IGF2BP2: variants seen among roughly 807,000 people sequenced by gnomAD.
IGF2BP2 encodes the protein insulin like growth factor 2 mRNA binding protein 2, also known as insulin-like growth factor 2 mRNA-binding protein 2.
In IGF2BP2, 17 loss-of-function variants were observed where a neutral mutation model predicts 75.8. The observed-to-expected ratio is 0.22, with a 90% CI of 0.15 to 0.34. The LOEUF is 0.34. Ranked by LOEUF, IGF2BP2 falls within the 10% of genes least tolerant of loss-of-function variation. IGF2BP2 has a pLI of 1.00. For missense variants in IGF2BP2, 516 were observed against 772.4 expected (o/e 0.67, Z 3.93); for synonymous variants, 288 against 295.6 (o/e 0.97, Z 0.26).
intron 5 of IGF2BP2, among the ~76,000 whole-genome samples, chr3:185,691,065 A>T (rs1235676407): frequency 1.3e-5 from 2 of 152,272 alleles, no homozygotes; most frequent in Admixed American, 6.5e-5. Context: ...TGTACAAGGT[A>T]AAGTTAACAC....
intron 2 of IGF2BP2, among the ~76,000 whole-genome samples, chr3:185,821,360 A>G (rs1741352925): frequency 6.6e-6 from 1 of 152,214 alleles, no homozygotes. Context: ...ATAGGGCTGT[A>G]TAAATCCTAG....
rs892830503 is a variant in IGF2BP2, at chr3:185,649,281, T to C, written c.1593+122A>G. Reference sequence around the variant, plus strand: ...CAGATGCCAGGAGAGCCTTAGTTTATCTGCCAAAGACCCTGACTGTACATT... The same window carrying C: ...CAGATGCCAGGAGAGCCTTAGTTTACCTGCCAAAGACCCTGACTGTACATT... On this transcript the variant is annotated intron_variant, in intron 14 of 15. Transcript: ENST00000382199. 7 of 1,314,698 alleles carry C rather than the reference T, an allele frequency of 5.3e-6. No homozygotes were observed. In the Admixed American group the frequency reaches 1.6e-4, roughly 30 times the overall value. 81.4% of individuals were successfully genotyped at this position (1,314,698 alleles called of 1,614,324 possible).
At chr3:185,748,364 T>C (rs1730541953) in intron 2 of IGF2BP2, among the ~76,000 whole-genome samples, 1 of 152,218 alleles carries the variant, frequency 6.6e-6, no homozygotes, top group African/African-American at 2.4e-5. Flanking sequence ...TGTGTCTTAA[T>C]ATCAGAAGTA....
intron 2 of IGF2BP2, among the ~76,000 whole-genome samples, chr3:185,733,680 C>T (rs1050464228): frequency 6.6e-6 from 1 of 152,036 alleles, no homozygotes; most frequent in Non-Finnish European, 1.5e-5. Flanking sequence ...CGCTTGAACC[C>T]GGGAGGCGGA....
Position 185,675,554 on chromosome 3 carries a change from CTG to C in IGF2BP2, c.936-125_936-124del, listed in dbSNP as rs1719205619. The C allele has an allele frequency of 1.7e-5, 20 of 1,177,572 alleles. No individual in the cohort carries two copies. The South Asian group carries it at 2.4e-4, about 14-fold the overall frequency. 72.9% of individuals were successfully genotyped at this position (1,177,572 alleles called of 1,614,324 possible). On this transcript the variant is annotated intron_variant, in intron 8 of 15. Coordinates refer to ENST00000382199, the MANE Select transcript of IGF2BP2 (RefSeq NM_006548.6). ...GAAGACTCAATTCCCTCCCAACACA[CTG>C]TGGTGGAGAATCCCTGCCATCTTAT...
At position 185,658,386 on chromosome 3, in the gene IGF2BP2, G is replaced by A. The variant is rs937056931; in HGVS notation, c.1224C>T (p.Ser408=). ...GGCCAAACTGGTGATGGGGGTACAG[G>A]CTGGAGAAGTATCCGGAGTGGGTCT... The part of the protein sequence containing the change: ...PFTTHSGYFS[S]LYPHHQFGPF... The change falls in exon 11 of 16, where the codon AGC becomes AGT. Residue 408 remains serine (S), a synonymous_variant. Coordinates refer to ENST00000382199, the MANE Select transcript of IGF2BP2 (RefSeq NM_006548.6). 1.2e-6 allele frequency: 2 copies of A among 1,614,012 alleles called. No individual in the cohort carries two copies. Among genetic ancestry groups the A allele is most frequent in the South Asian group, 2.2e-5 (2 of 91,064 alleles).
At chr3:185,708,975 C>T (rs534563972) in intron 2 of IGF2BP2, among the ~76,000 whole-genome samples, 3 of 152,256 alleles carry the variant, frequency 2.0e-5, no homozygotes, top group East Asian at 1.9e-4. Context: ...ATGAAGATTC[C>T]GGTTAACAAA....
intron 2 of IGF2BP2, among the ~76,000 whole-genome samples, chr3:185,723,134 G>A (rs543659487): frequency 3.3e-5 from 5 of 152,206 alleles, no homozygotes; most frequent in African/African-American, 4.8e-5. Context: ...GTTTATGTGG[G>A]AAGTGGGAAA....
intron 3 of IGF2BP2, among the ~76,000 whole-genome samples, chr3:185,697,177 A>G (rs1722693308): frequency 6.6e-6 from 1 of 152,126 alleles, no homozygotes; most frequent in African/African-American, 2.4e-5. Flanking sequence ...CTCGGCTCAC[A>G]GCAACCTCCA....
chr3:185,645,377 G>GGCCTCGGCAGAGTCCCTGGCC lies in IGF2BP2; in HGVS notation c.*133_*153dup. On this transcript the variant is annotated 3_prime_UTR_variant, in exon 16 of 16. Coordinates refer to ENST00000382199, the MANE Select transcript of IGF2BP2 (RefSeq NM_006548.6). The surrounding 1 kb of genome is among the most constrained non-coding windows in gnomAD (Gnocchi z 4.9). ...CCTCCTCGGCCCCTGGGGTTCTCAG[G>GGCCTCGGCAGAGTCCCTGGCC]GCCTCGGCAGAGTCCCTGGCCGCCT... 1.6e-6 allele frequency: 1 copy of GGCCTCGGCAGAGTCCCTGGCC among 617,916 alleles called. No individual in the cohort carries two copies. The highest frequency in any genetic ancestry group is 2.9e-6 in the Non-Finnish European group (1 of 345,812). 38.3% of individuals were successfully genotyped at this position (617,916 alleles called of 1,614,324 possible).
At chr3:185,818,272 CAG>C (rs1382110475) in intron 2 of IGF2BP2, among the ~76,000 whole-genome samples, 3 of 152,202 alleles carry the variant, frequency 2.0e-5, no homozygotes, top group Admixed American at 6.5e-5. Context: ...TCTTTTGTGA[CAG>C]GGGATAGCCA....
At chr3:185,715,646 TC>T (rs1725489447) in intron 2 of IGF2BP2, among the ~76,000 whole-genome samples, 4 of 152,140 alleles carry the variant, frequency 2.6e-5, no homozygotes, top group Non-Finnish European at 5.9e-5. Flanking sequence ...TTTCTTTCTT[TC>T]TTTCTTTTTT....
intron 2 of IGF2BP2, among the ~76,000 whole-genome samples, chr3:185,711,535 C>T (rs776935619): frequency 1.4e-4 from 22 of 152,212 alleles, no homozygotes; most frequent in Non-Finnish European, 2.8e-4. Context: ...GAGTTTTCAT[C>T]GCTTCCTCTC....
At chr3:185,672,147 G>A (rs1718606247) in intron 10 of IGF2BP2, among the ~76,000 whole-genome samples, 2 of 152,168 alleles carry the variant, frequency 1.3e-5, no homozygotes, top group African/African-American at 2.4e-5. Flanking sequence ...AACTGCACAT[G>A]TATGTATGTA....
intron 2 of IGF2BP2, among the ~76,000 whole-genome samples, chr3:185,772,440 G>C (rs1734001023): frequency 6.6e-6 from 1 of 151,990 alleles, no homozygotes; most frequent in Non-Finnish European, 1.5e-5. Context: ...TTCTGTATCT[G>C]AAAGATTCTC....
rs1400091983 is a variant in IGF2BP2 at position 185,692,713 on chromosome 3, T to C, written c.390A>G (p.Arg130=). 1.9e-6 allele frequency: 3 copies of C among 1,613,578 alleles called. No individual in the cohort carries two copies. In the African/African-American group the frequency reaches 4.0e-5, roughly 22 times the overall value. ...AATCTGCTTACATTTTTGCTTCTTC[T>C]CTTGTTGCATATGTGACGTTGACAA... ...TAVVNVTYAT[R]EEAKIAMEKL... is the part of the protein sequence containing the mutation. Residue 130 remains arginine, a synonymous_variant, in exon 5 of 16, where the codon AGA becomes AGG. Coordinates refer to ENST00000382199, the MANE Select transcript of IGF2BP2 (RefSeq NM_006548.6).
At chr3:185,805,981 G>A (rs1738974647) in intron 2 of IGF2BP2, among the ~76,000 whole-genome samples, 1 of 151,700 alleles carries the variant, frequency 6.6e-6, no homozygotes, top group Non-Finnish European at 1.5e-5. Context: ...CACCATGTTG[G>A]CCAGGCTGGT....
At position 185,696,593 on chromosome 3, in the gene IGF2BP2, A is replaced by G; in HGVS notation, c.340+19T>C. Reference sequence around the variant, plus strand: ...ATAATATCTCTCTCCAAAACCCAAAAGGCTTCCTCACTTATTACCTTGTTC... The same window carrying G: ...ATAATATCTCTCTCCAAAACCCAAAGGGCTTCCTCACTTATTACCTTGTTC... On this transcript the variant is annotated intron_variant, in intron 4 of 15. Coordinates refer to ENST00000382199, the MANE Select transcript of IGF2BP2 (RefSeq NM_006548.6). The G allele has an allele frequency of 2.5e-6, 4 of 1,610,240 alleles. No individual in the cohort carries two copies. Among genetic ancestry groups the G allele is most frequent in the Non-Finnish European group, 2.5e-6 (3 of 1,176,810 alleles).
chr3:185,709,757 C>G (rs1307211414), intron 2 of IGF2BP2, among the ~76,000 whole-genome samples: 1 of 152,144 alleles, frequency 6.6e-6, no homozygotes, highest in Admixed American at 6.6e-5. Context: ...CAAAGAGGAA[C>G]TCCTCCCTCT....
Sources: allele counts gnomAD v4.1 joint callset (sites outside exome capture counted in the v4.1 genomes callset), GRCh38; gene constraint gnomAD v4.1.1; non-coding constraint Gnocchi (gnomAD v3.1); transcripts MANE v1.5; gene names NCBI Gene and HGNC (gene_info 2026-07-23, HGNC 2026-07-21).